The following TSNARE1 variants were observed in gnomAD, a reference collection of about 807,000 sequenced individuals.
TSNARE1 encodes the protein t-SNARE domain containing 1, also known as t-SNARE domain-containing protein 1.
TSNARE1 carries 49 observed loss-of-function variants against 62.0 expected under a neutral mutation model. The observed-to-expected ratio is 0.79, with a 90% CI of 0.63 to 1.00. The LOEUF is 1.00. TSNARE1 is among the 50% of genes least tolerant of loss of function. The pLI, the probability that TSNARE1 is intolerant of heterozygous loss-of-function variation, is 0.00. For synonymous variants in TSNARE1, 328 were observed against 294.4 expected (o/e 1.11, Z -1.17); for missense variants, 755 against 700.1 (o/e 1.08, Z -0.88).
At chr8:142,390,342 C>T (rs878994835) in intron 1 of TSNARE1, among the ~76,000 whole-genome samples, 4 of 135,994 alleles carry the variant, frequency 2.9e-5, no homozygotes, top group East Asian at 2.3e-4. Context: ...CCGTAACAGA[C>T]GCTGTACACT....
intron 12 of TSNARE1, chr8:142,273,345 A>T (rs1366950663): frequency 1.0e-6 from 1 of 985,206 alleles, no homozygotes; most frequent in Non-Finnish European, 1.2e-6. Flanking sequence ...TGTGGCCCTG[A>T]GTTTCCAGCG....
At chr8:142,261,523 T>C (rs1302318017) in intron 12 of TSNARE1, among the ~76,000 whole-genome samples, 1 of 151,974 alleles carries the variant, frequency 6.6e-6, no homozygotes, top group Non-Finnish European at 1.5e-5. Context: ...TCTGTAGTTA[T>C]TTGAAGACTA....
At chr8:142,220,164 C>A (rs1204145364) in intron 13 of TSNARE1, among the ~76,000 whole-genome samples, 1 of 152,248 alleles carries the variant, frequency 6.6e-6, no homozygotes, top group East Asian at 1.9e-4. Context: ...ACGGCCATGA[C>A]TGAGTGAGGC....
At chr8:142,274,273 G>T (rs940014111) in intron 12 of TSNARE1, 23 of 985,414 alleles carry the variant, frequency 2.3e-5, no homozygotes, top group East Asian at 1.1e-4. Flanking sequence ...AGGTCTTCTT[G>T]TGGTGACCAC....
chr8:142,311,291 T>G (rs1471502702), intron 9 of TSNARE1, among the ~76,000 whole-genome samples: 2 of 57,286 alleles, frequency 3.5e-5, no homozygotes, highest in South Asian at 8.2e-4. Flanking sequence ...GCCTCTCTAG[T>G]TTTTTTTTTT....
intron 1 of TSNARE1, among the ~76,000 whole-genome samples, chr8:142,388,801 A>C (rs1837288010): frequency 6.6e-6 from 1 of 152,054 alleles, no homozygotes; most frequent in African/African-American, 2.4e-5. Flanking sequence ...CAAACGCCTG[A>C]CCTCAGCCAG....
chr8:142,229,409 G>T, intron 13 of TSNARE1, 64 bp downstream of exon 13: 2 of 1,293,356 alleles, frequency 1.5e-6, no homozygotes, highest in Non-Finnish European at 2.2e-6. Context: ...ATGGTGGATA[G>T]GTGAATGAAT....
At chr8:142,308,516 A>G (rs963875335) in intron 9 of TSNARE1, among the ~76,000 whole-genome samples, 1 of 152,286 alleles carries the variant, frequency 6.6e-6, no homozygotes, top group East Asian at 1.9e-4. Context: ...GCCGCCACGT[A>G]CGTGTGGTCC....
chr8:142,292,180 C>T (rs1013093114), intron 10 of TSNARE1, among the ~76,000 whole-genome samples: 2 of 152,118 alleles, frequency 1.3e-5, no homozygotes, highest in African/African-American at 4.8e-5. Context: ...AACACCAACA[C>T]GAGACAGGGG....
chr8:142,231,429 G>T (rs1262107163), intron 12 of TSNARE1, among the ~76,000 whole-genome samples: 1 of 152,148 alleles, frequency 6.6e-6, no homozygotes, highest in East Asian at 1.9e-4. Context: ...GGGGTGGCCA[G>T]AAGGGGACAG....
intron 12 of TSNARE1, among the ~76,000 whole-genome samples, chr8:142,261,138 AGGAGGAAAG>A: frequency 1.2e-5 from 1 of 81,738 alleles, no homozygotes; most frequent in South Asian, 6.0e-4. Flanking sequence ...GAGGGAGGGA[AGGAGGAAAG>A]AGGTAGAAGG....
rs1563862837 is a variant in TSNARE1, at chr8:142,300,763, G to GACGATCTGGGTCTGAGGC, written c.1132-120_1132-119insGCCTCAGACCCAGATCGT. On this transcript the variant is annotated intron_variant, in intron 9 of 13. Coordinates refer to ENST00000524325, the MANE Select transcript of TSNARE1 (RefSeq NM_145003.5). Reference sequence around the variant, plus strand: ...CACTATCCCCATCTGCTCTCTGAGGGGACGATCTGGGTCTGAGGCGGGGGC... The same window carrying GACGATCTGGGTCTGAGGC: ...CACTATCCCCATCTGCTCTCTGAGGGACGATCTGGGTCTGAGGCGACGATCTGGGTCTGAGGCGGGGGC... 1.6e-5 allele frequency: 19 copies of GACGATCTGGGTCTGAGGC among 1,212,184 alleles called. No individual in the cohort carries two copies. The South Asian group carries it at 2.2e-4, about 14-fold the overall frequency. The allele number at this position is 1,212,184 out of a possible 1,614,324, so 75.1% of individuals were successfully genotyped here.
intron 1 of TSNARE1, among the ~76,000 whole-genome samples, chr8:142,364,157 G>T (rs936096350): frequency 6.6e-6 from 1 of 152,152 alleles, no homozygotes; most frequent in Non-Finnish European, 1.5e-5. Context: ...CACACTCAGG[G>T]TTCCTCGGCG....
At chr8:142,335,328 G>C (rs1831604474) in intron 4 of TSNARE1, among the ~76,000 whole-genome samples, 1 of 152,156 alleles carries the variant, frequency 6.6e-6, no homozygotes, top group African/African-American at 2.4e-5. Flanking sequence ...ACGTCAACAA[G>C]GTGGGGTCAC....
chr8:142,362,637 A>T (rs1000207380), intron 1 of TSNARE1, among the ~76,000 whole-genome samples: 20 of 152,274 alleles, frequency 1.3e-4, no homozygotes, highest in African/African-American at 4.3e-4. Context: ...TCACCCCCAG[A>T]TACGGCAGTG....
In TSNARE1 at chr8:142,232,098, T is replaced by C. The variant is rs138776493; in HGVS notation, c.1447-2519A>G. ...CCACATCACTGCCAGACCGTGGCCTTGAGCACAGTGCTGGGCCTCTCGGCA... is the reference window on the plus strand; with the variant it reads ...CCACATCACTGCCAGACCGTGGCCTCGAGCACAGTGCTGGGCCTCTCGGCA... On this transcript the variant is annotated intron_variant, in intron 12 of 13. Transcript: ENST00000524325. Among the ~76,000 whole-genome samples, 5 of 152,344 alleles carry C rather than the reference T, an allele frequency of 3.3e-5. No individual in the cohort carries two copies. In the East Asian group the frequency reaches 5.8e-4, roughly 18 times the overall value.
chr8:142,313,695 ATC>A (rs1294318722), intron 9 of TSNARE1, among the ~76,000 whole-genome samples: 3 of 148,634 alleles, frequency 2.0e-5, no homozygotes, highest in Non-Finnish European at 4.5e-5. Context: ...ATCTCTGTGC[ATC>A]TGTGTTTATC....
At chr8:142,262,561 G>T (rs62513092) in intron 12 of TSNARE1, among the ~76,000 whole-genome samples, 2,005 of 152,242 alleles carry the variant, frequency 0.013, 23 homozygotes, top group Non-Finnish European at 0.02. Context: ...GAGGCCTGGT[G>T]GGAGGTGCCT....
intron 2 of TSNARE1, among the ~76,000 whole-genome samples, chr8:142,352,191 G>C (rs1313777514): frequency 1.3e-5 from 2 of 152,238 alleles, no homozygotes; most frequent in Non-Finnish European, 2.9e-5. Context: ...GGAAGCCTGT[G>C]AACCCATAAG....
Sources: gnomAD v4.1 joint callset for allele counts (sites outside exome capture counted in the v4.1 genomes callset) on GRCh38, gnomAD v4.1.1 for gene constraint, MANE v1.5 for transcripts, NCBI Gene and HGNC (gene_info 2026-07-23, HGNC 2026-07-21) for gene names.